Variants in SLC25A21 observed in about 807,000 individuals in gnomAD.
SLC25A21 encodes solute carrier family 25 member 21, also known as mitochondrial 2-oxodicarboxylate carrier.
SLC25A21 carries 47 observed loss-of-function variants against 43.8 expected under a neutral mutation model. The ratio of observed to expected loss-of-function variants is 1.07; its 90% CI spans 0.85 to 1.37. The LOEUF is 1.37. Ranked by LOEUF, SLC25A21 falls within the 40% of genes most tolerant of loss-of-function variation. The pLI is 0.00. For synonymous variants in SLC25A21, 131 were observed against 121.3 expected, an observed-to-expected ratio of 1.08 and a Z score of -0.52; for missense variants, 352 against 350.2, an observed-to-expected ratio of 1.00 and a Z score of -0.04.
chr14:37,078,762 T>C (rs997063183), intron 1 of SLC25A21, among the ~76,000 whole-genome samples: 1 of 152,128 alleles, frequency 6.6e-6, no homozygotes, highest in Non-Finnish European at 1.5e-5. Context: ...AACACTGCCT[T>C]TATGGTTGCT....
At chr14:36,835,236 G>C (rs530974277) in intron 2 of SLC25A21, among the ~76,000 whole-genome samples, 1 of 152,202 alleles carries the variant, frequency 6.6e-6, no homozygotes, top group East Asian at 1.9e-4. Flanking sequence ...AACCTGCCAA[G>C]GGATTAGCAA....
chr14:36,913,650 G>A (rs756372419), intron 1 of SLC25A21, among the ~76,000 whole-genome samples: 1 of 152,168 alleles, frequency 6.6e-6, no homozygotes, highest in Non-Finnish European at 1.5e-5. Flanking sequence ...AGTAAAACAA[G>A]GGTTAAGTTT....
intron 7 of SLC25A21, among the ~76,000 whole-genome samples, chr14:36,701,085 C>T (rs1416570071): frequency 6.6e-6 from 1 of 152,182 alleles, no homozygotes; most frequent in African/African-American, 2.4e-5. Context: ...CACTATACAA[C>T]TTTCATTCCT....
rs571323223 is a variant in SLC25A21, at chr14:36,869,301, T to C, written c.119+5655A>G. On this transcript the variant is annotated intron_variant, in intron 2 of 9. Coordinates refer to ENST00000331299, the MANE Select transcript of SLC25A21 (RefSeq NM_030631.4). Reference sequence around the variant, plus strand: ...TGTATTCTCCTGATTGGGCCATGACTAACACAGGCAACAAAAGAATAATAA... The same window carrying C: ...TGTATTCTCCTGATTGGGCCATGACCAACACAGGCAACAAAAGAATAATAA... 2.0e-5 allele frequency among the ~76,000 whole-genome samples: 3 copies of C among 152,296 alleles called. No homozygotes were observed. The East Asian group carries it at 5.8e-4, about 29-fold the overall frequency.
intron 3 of SLC25A21, among the ~76,000 whole-genome samples, chr14:36,772,511 A>G (rs1886657266): frequency 1.3e-5 from 2 of 152,232 alleles, no homozygotes; most frequent in African/African-American, 4.8e-5. Flanking sequence ...TTTCTTTTTC[A>G]TAGAAATCAA....
chr14:37,138,605 C>A (rs1229872344), intron 1 of SLC25A21, among the ~76,000 whole-genome samples: 1 of 151,970 alleles, frequency 6.6e-6, no homozygotes, highest in African/African-American at 2.4e-5. Flanking sequence ...TGTCTTTGGA[C>A]AATATCTCTT....
chr14:36,761,718 T>C (rs933393997), intron 3 of SLC25A21, among the ~76,000 whole-genome samples: 17 of 152,164 alleles, frequency 1.1e-4, no homozygotes, highest in South Asian at 4.2e-4. Flanking sequence ...AAATGATATA[T>C]AAATATATGG....
At chr14:36,712,772 C>T (rs1219868530) in intron 6 of SLC25A21, among the ~76,000 whole-genome samples, 1 of 152,084 alleles carries the variant, frequency 6.6e-6, no homozygotes, top group East Asian at 1.9e-4. Context: ...AACAATAAGA[C>T]ATATCATACA....
At chr14:36,936,527 G>A (rs776677451) in intron 1 of SLC25A21, among the ~76,000 whole-genome samples, 1 of 152,144 alleles carries the variant, frequency 6.6e-6, no homozygotes, top group Non-Finnish European at 1.5e-5. Flanking sequence ...TGTTGACAAT[G>A]TAAAGCGAGA....
chr14:37,123,033 A>C (rs1005593634), intron 1 of SLC25A21, among the ~76,000 whole-genome samples: 1 of 152,212 alleles, frequency 6.6e-6, no homozygotes, highest in Non-Finnish European at 1.5e-5. Flanking sequence ...AATGCTTAGG[A>C]CCTGTATTCA....
intron 1 of SLC25A21, among the ~76,000 whole-genome samples, chr14:36,966,084 T>C (rs190971223): frequency 1.3e-5 from 2 of 152,268 alleles, no homozygotes; most frequent in Non-Finnish European, 2.9e-5. Context: ...AAATGCTACA[T>C]GGAACGTAAG....
intron 1 of SLC25A21, among the ~76,000 whole-genome samples, chr14:37,013,559 C>T (rs1458354112): frequency 1.3e-5 from 2 of 152,126 alleles, no homozygotes; most frequent in East Asian, 3.8e-4. Flanking sequence ...AAATAGACAA[C>T]AAAACACTGA....
chr14:36,732,113 C>G (rs955475073), intron 4 of SLC25A21, among the ~76,000 whole-genome samples: 1 of 152,108 alleles, frequency 6.6e-6, no homozygotes, highest in Non-Finnish European at 1.5e-5. Context: ...ATACTCTGAA[C>G]AGTGGATGTG....
intron 1 of SLC25A21, among the ~76,000 whole-genome samples, chr14:37,108,381 A>G (rs1163686322): frequency 6.6e-6 from 1 of 151,972 alleles, no homozygotes; most frequent in African/African-American, 2.4e-5. Flanking sequence ...TTAAGTCACT[A>G]TTAACCATTA....
At chr14:36,740,777 G>A (rs924082301) in intron 3 of SLC25A21, among the ~76,000 whole-genome samples, 2 of 152,130 alleles carry the variant, frequency 1.3e-5, no homozygotes, top group African/African-American at 4.8e-5. Flanking sequence ...TGTGGTTCAT[G>A]TAGAGCAAGG....
intron 1 of SLC25A21, among the ~76,000 whole-genome samples, chr14:37,095,310 G>A (rs1184968375): frequency 6.6e-6 from 1 of 152,150 alleles, no homozygotes; most frequent in Non-Finnish European, 1.5e-5. Flanking sequence ...TTGAGGTCAG[G>A]AGCTCGAGAC....
At chr14:37,007,913 T>TA (rs896515510) in intron 1 of SLC25A21, among the ~76,000 whole-genome samples, 2 of 151,620 alleles carry the variant, frequency 1.3e-5, no homozygotes, top group African/African-American at 4.9e-5. Flanking sequence ...ATTTTGCACT[T>TA]ACCATCCTCA....
intron 1 of SLC25A21, among the ~76,000 whole-genome samples, chr14:36,986,583 T>C (rs1960152724): frequency 6.6e-6 from 1 of 152,136 alleles, no homozygotes; most frequent in Non-Finnish European, 1.5e-5. Flanking sequence ...TGTTAGCTCC[T>C]CCTACAGAGG....
chr14:36,978,488 CAG>C (rs1959934522), intron 1 of SLC25A21, among the ~76,000 whole-genome samples: 1 of 152,176 alleles, frequency 6.6e-6, no homozygotes, highest in African/African-American at 2.4e-5. Flanking sequence ...ATGCTGGACA[CAG>C]GGCTGCCACA....
Sources: allele counts gnomAD v4.1 joint callset (sites outside exome capture counted in the v4.1 genomes callset), GRCh38; gene constraint gnomAD v4.1.1; transcripts MANE v1.5; gene names NCBI Gene and HGNC (gene_info 2026-07-23, HGNC 2026-07-21).